OTULINL: variants seen among roughly 807,000 people sequenced by gnomAD.
OTULINL encodes the protein OTU deubiquitinase with linear linkage specificity like, also known as inactive ubiquitin thioesterase OTULINL.
Under a neutral mutation model 43.9 loss-of-function variants are expected in OTULINL, and 42 were observed. The ratio of observed to expected loss-of-function variants is 0.96; its 90% CI spans 0.75 to 1.24. OTULINL has a LOEUF of 1.24. Among genes scored for constraint, OTULINL ranks in the 50% most tolerant of loss-of-function variants. The pLI is 0.00. For missense variants in OTULINL, 411 were observed against 426.4 expected, an observed-to-expected ratio of 0.96 and a Z score of 0.32; for synonymous variants, 172 against 153.6, an observed-to-expected ratio of 1.12 and a Z score of -0.88.
chr5:14,587,996 CTT>C (rs1759136925), intron 1 of OTULINL, among the ~76,000 whole-genome samples: 1 of 152,216 alleles, frequency 6.6e-6, no homozygotes, highest in African/African-American at 2.4e-5. Flanking sequence ...GGAAAAGGCT[CTT>C]TATTAGAACT....
intron 5 of OTULINL, among the ~76,000 whole-genome samples, chr5:14,605,169 T>A (rs1215778485): frequency 6.6e-6 from 1 of 152,182 alleles, no homozygotes; most frequent in Non-Finnish European, 1.5e-5. Flanking sequence ...CAACCCTCAG[T>A]TCTTGACTTC....
At position 14,597,687 on chromosome 5, in the gene OTULINL, T is replaced by C. The variant is rs775422761; in HGVS notation, c.65-3278T>C. ...GAACAGCTCGTATAGATCCTATACA[T>C]GGCTATACGGCCATGGCCTGCTTCC... On this transcript the variant is annotated intron_variant, in intron 1 of 7. Coordinates refer to ENST00000274217, the MANE Select transcript of OTULINL (RefSeq NM_019018.3). Among the ~76,000 whole-genome samples the C allele has an allele frequency of 6.0e-4, 91 of 152,324 alleles. 2 individuals carry two copies. The highest frequency in any genetic ancestry group is 1.3e-4 in the Non-Finnish European group (9 of 68,028).
intron 1 of OTULINL, among the ~76,000 whole-genome samples, chr5:14,600,095 A>C (rs1381603091): frequency 1.3e-5 from 2 of 152,150 alleles, no homozygotes; most frequent in African/African-American, 2.4e-5. Context: ...TATAATCCCC[A>C]AGTGTCATGG....
Position 14,610,143 on chromosome 5 carries a change from T to G in OTULINL, c.900T>G (p.Ile300Met). 1 of 1,612,258 alleles carries G rather than the reference T, an allele frequency of 6.2e-7. No homozygotes were observed. The highest frequency in any genetic ancestry group is 8.5e-7 in the Non-Finnish European group (1 of 1,178,494). ...CCTGTCTTTCATCTCATCCACAGATTGATATGTTTATACTTGGATACTCCC... is the reference window on the plus strand; with the variant it reads ...CCTGTCTTTCATCTCATCCACAGATGGATATGTTTATACTTGGATACTCCC... ...SVGDTCGLEQ[I>M]DMFILGYSLE... Residue 300 changes from isoleucine to methionine, a missense_variant and splice_region_variant, in exon 8 of 8, where the codon ATT becomes ATG. Transcript: ENST00000274217.
intron 5 of OTULINL, among the ~76,000 whole-genome samples, chr5:14,603,767 A>G (rs1371626862): frequency 1.3e-5 from 2 of 151,816 alleles, no homozygotes; most frequent in Admixed American, 6.6e-5. Context: ...GTGGCTTCTG[A>G]TTTTCTTAAC....
intron 1 of OTULINL, among the ~76,000 whole-genome samples, chr5:14,592,080 A>G (rs1169047201): frequency 6.6e-6 from 1 of 152,118 alleles, no homozygotes; most frequent in African/African-American, 2.4e-5. Context: ...TGAGACCTAA[A>G]ATATGTACTC....
rs1381913252 is a variant in OTULINL at position 14,611,390 on chromosome 5, G to A, written c.*1076G>A. On this transcript the variant is annotated 3_prime_UTR_variant, in exon 8 of 8. Coordinates refer to ENST00000274217, the MANE Select transcript of OTULINL (RefSeq NM_019018.3). ...AAATATGGAAGAACGGTTAGAGAGA[G>A]ATGCACCATTGCTGGCTTTGAAGAT... is the stretch of plus-strand genomic sequence containing the variant. The A allele has an allele frequency of 6.6e-6, 1 of 152,220 alleles. No individual in the cohort carries two copies. The highest frequency in any genetic ancestry group is 6.5e-5 in the Admixed American group (1 of 15,274). 9.4% of individuals were successfully genotyped at this position (152,220 alleles called of 1,614,324 possible).
Position 14,615,459 on chromosome 5 carries a change from G to T in OTULINL, c.*5145G>T, listed in dbSNP as rs75267607. 1.3e-5 allele frequency among the ~76,000 whole-genome samples: 2 copies of T among 152,168 alleles called. No individual in the cohort carries two copies. The highest frequency in any genetic ancestry group is 2.9e-5 in the Non-Finnish European group (2 of 68,038). ...GAAGCAGCTGGTACAGACTGATGAC[G>T]AAGGAGAGGACCAGAAAAGCTGCTT... On this transcript the variant is annotated 3_prime_UTR_variant, in exon 8 of 8. Transcript: ENST00000274217.
At chr5:14,590,302 C>T (rs779768025) in intron 1 of OTULINL, among the ~76,000 whole-genome samples, 22 of 152,104 alleles carry the variant, frequency 1.4e-4, no homozygotes, top group Non-Finnish European at 2.6e-4. Flanking sequence ...ATACCTGGGC[C>T]CCAGCCTAAT....
At chr5:14,598,366 A>G (rs1759327833) in intron 1 of OTULINL, among the ~76,000 whole-genome samples, 2 of 152,218 alleles carry the variant, frequency 1.3e-5, no homozygotes, top group Non-Finnish European at 2.9e-5. Flanking sequence ...GCCTAAAGTG[A>G]GAAATCACAC....
chr5:14,610,221 T>G lies in OTULINL; in HGVS notation c.978T>G (p.Phe326Leu). The change falls in exon 8 of 8, where the codon TTT becomes TTG. Residue 326 changes from phenylalanine (F) to leucine (L), a missense_variant. Coordinates refer to ENST00000274217, the MANE Select transcript of OTULINL (RefSeq NM_019018.3). ...FRLFKFNSRD[F>L]EVCYPEEPLR... ...TGTTCAAGTTTAACTCCAGAGACTT[T>G]GAAGTCTGCTACCCAGAGGAGCCTC... is the stretch of plus-strand genomic sequence containing the variant. The G allele has an allele frequency of 6.2e-7, 1 of 1,614,124 alleles. No individual in the cohort carries two copies. Among genetic ancestry groups the G allele is most frequent in the South Asian group, 1.1e-5 (1 of 91,084 alleles).
chr5:14,591,354 G>A (rs959067540), intron 1 of OTULINL, among the ~76,000 whole-genome samples: 3 of 152,124 alleles, frequency 2.0e-5, no homozygotes, highest in South Asian at 2.1e-4. Context: ...TAAAATCCAC[G>A]TGTCTTAGTT....
At chr5:14,594,079 T>C (rs754498665) in intron 1 of OTULINL, among the ~76,000 whole-genome samples, 1 of 152,086 alleles carries the variant, frequency 6.6e-6, no homozygotes, top group Non-Finnish European at 1.5e-5. Flanking sequence ...GATGGTCCTT[T>C]GAGTTTAAGG....
At position 14,610,259 on chromosome 5, in the gene OTULINL, C is replaced by G. The variant is rs200513203; in HGVS notation, c.1016C>G (p.Pro339Arg). The change falls in exon 8 of 8, where the codon CCG becomes CGG. Residue 339 changes from proline (P) to arginine (R), a missense_variant. Coordinates refer to ENST00000274217, the MANE Select transcript of OTULINL (RefSeq NM_019018.3). Reference protein sequence around the residue: ...CYPEEPLRDWPEISLLTENDR... With the variant: ...CYPEEPLRDWREISLLTENDR... Reference sequence around the variant, plus strand: ...CCAGAGGAGCCTCTCAGGGACTGGCCGGAGATCTCCCTGCTGACCGAGAAC... The same window carrying G: ...CCAGAGGAGCCTCTCAGGGACTGGCGGGAGATCTCCCTGCTGACCGAGAAC... 1.2e-6 allele frequency: 2 copies of G among 1,613,620 alleles called. No homozygotes were observed. Among genetic ancestry groups the G allele is most frequent in the Admixed American group, 1.7e-5 (1 of 59,986 alleles).
chr5:14,587,518 T>C (rs945516143), intron 1 of OTULINL, among the ~76,000 whole-genome samples: 3 of 152,234 alleles, frequency 2.0e-5, no homozygotes, highest in Non-Finnish European at 2.9e-5. Context: ...TAAAGTTAGG[T>C]TGGCTGCTCA....
intron 1 of OTULINL, among the ~76,000 whole-genome samples, chr5:14,586,886 AAAG>A (rs1216379747): frequency 6.6e-6 from 1 of 152,110 alleles, no homozygotes; most frequent in South Asian, 2.1e-4. Flanking sequence ...AAAAAAAAAA[AAAG>A]AAGCATACCT....
intron 5 of OTULINL, among the ~76,000 whole-genome samples, chr5:14,606,383 C>G (rs897551912): frequency 2.6e-5 from 4 of 152,098 alleles, no homozygotes; most frequent in African/African-American, 9.7e-5. Flanking sequence ...GGGACACAGT[C>G]AAACCATATT....
chr5:14,590,387 G>T (rs1046724550), intron 1 of OTULINL, among the ~76,000 whole-genome samples: 13 of 152,310 alleles, frequency 8.5e-5, no homozygotes, highest in African/African-American at 3.1e-4. Flanking sequence ...TTTCCAAGGG[G>T]TTTGAGAATC....
At chr5:14,584,128 C>T (rs1196672378) in intron 1 of OTULINL, among the ~76,000 whole-genome samples, 1 of 152,142 alleles carries the variant, frequency 6.6e-6, no homozygotes. Flanking sequence ...AGCTCACAGT[C>T]GCCAGCACAC....
Sources: allele counts gnomAD v4.1 joint callset (sites outside exome capture counted in the v4.1 genomes callset), GRCh38; gene constraint gnomAD v4.1.1; transcripts MANE v1.5; gene names NCBI Gene and HGNC (gene_info 2026-07-23, HGNC 2026-07-21).